Variants in TXNIP observed in about 807,000 individuals in gnomAD.
TXNIP encodes thioredoxin-interacting protein.
A neutral mutation model predicts 43.9 loss-of-function variants in TXNIP; 23 were observed. That is an observed-to-expected ratio of 0.52 (90% confidence interval 0.38 to 0.74). TXNIP has a LOEUF of 0.74. TXNIP is among the 30% of genes least tolerant of loss of function. The probability of loss-of-function intolerance (pLI) is 0.00; values close to 1 mark genes in which losing one functional copy is unlikely to be tolerated. For synonymous variants in TXNIP, 234 were observed against 172.2 expected, an observed-to-expected ratio of 1.36 and a Z score of -2.81; for missense variants, 555 against 485.4, an observed-to-expected ratio of 1.14 and a Z score of -1.35.
Position 145,994,164 on chromosome 1 carries a change from G to A in TXNIP, c.992C>T (p.Pro331Leu), listed in dbSNP as rs759303282. The part of the protein sequence containing the change: ...DLNIPDTPEA[P>L]PCYMDVIPED... ...AGGAATGACATCCATATAGCAGGGA[G>A]GAGCTAGAAAAGAAAATATGGCCAC... The change falls in exon 7 of 8, where the codon CCT (proline) becomes CTT (leucine). Residue 331 changes from proline to leucine, a missense_variant. Physicochemically the swap from Pro to Leu is moderately conservative, Grantham distance 98. Transcript: ENST00000582401. The A allele has an allele frequency of 6.2e-7, 1 of 1,613,920 alleles. No homozygotes were observed. The highest frequency in any genetic ancestry group is 8.5e-7 in the Non-Finnish European group (1 of 1,179,956).
rs182452581 is a variant in TXNIP, at chr1:145,996,577, T to C, written c.-311A>G. On this transcript the variant is annotated 5_prime_UTR_variant, in exon 1 of 8. Transcript: ENST00000582401. Reference sequence around the variant, plus strand: ...TCCTTTGGAGAAAAAGAGGGGTTAGTTTCAAGCAGGAGGCGGAAACGTCTC... The same window carrying C: ...TCCTTTGGAGAAAAAGAGGGGTTAGCTTCAAGCAGGAGGCGGAAACGTCTC... 250 of 257,078 alleles carry C rather than the reference T, an allele frequency of 9.7e-4. 1 individual carries two copies. The highest frequency in any genetic ancestry group is 4.8e-4 in the Non-Finnish European group (63 of 130,724). The allele number at this position is 257,078 out of a possible 1,614,324, so 15.9% of individuals were successfully genotyped here.
chr1:145,994,315 A>G lies in TXNIP; in HGVS notation c.954T>C (p.Ser318=). 1.2e-6 allele frequency: 2 copies of G among 1,614,114 alleles called. No individual in the cohort carries two copies. Among genetic ancestry groups the G allele is most frequent in the Non-Finnish European group, 1.7e-6 (2 of 1,180,020 alleles). ...TATCAGGGATGTTCAGATCTACCCA[A>G]CTCATCTCAGAGCTGGTTCGGCTGG... is the stretch of plus-strand genomic sequence containing the variant. ...SMASRTSSEM[S]WVDLNIPDTP... is the part of the protein sequence containing the mutation. Residue 318 remains serine (S), a synonymous_variant, in exon 6 of 8, where the codon AGT becomes AGC. Transcript: ENST00000582401.
intron 4 of TXNIP, 33 bp from the exon 5 acceptor site, chr1:145,994,833 C>T (rs782130964): frequency 1.2e-5 from 19 of 1,613,256 alleles, no homozygotes; most frequent in South Asian, 1.1e-5. Context: ...CTTACTGATA[C>T]TCAGTATAGT....
chr1:145,995,719 T>C (rs1430117893), intron 1 of TXNIP: 1 of 609,426 alleles, frequency 1.6e-6, no homozygotes, highest in East Asian at 2.7e-5. Flanking sequence ...TCTACTAACA[T>C]CTCAAATAGG....
rs368318004 is a variant in TXNIP, at chr1:145,994,215, G to A, written c.989-48C>T. 1.1e-5 allele frequency: 18 copies of A among 1,612,772 alleles called. No homozygotes were observed. In the African/African-American group the frequency reaches 1.7e-4, roughly 16 times the overall value. On this transcript the variant is annotated intron_variant, in intron 6 of 7. Transcript: ENST00000582401. ...ATAAGAATCCTGCCCAAGAAATGCT[G>A]GACCATCACAATTTTACAAACCCAG...
chr1:145,994,282 T>C lies in TXNIP; in HGVS notation c.987A>G (p.Glu329=). 1 of 1,613,984 alleles carries C rather than the reference T, an allele frequency of 6.2e-7. No homozygotes were observed. Among genetic ancestry groups the C allele is most frequent in the Non-Finnish European group, 8.5e-7 (1 of 1,179,926 alleles). ...GAAAAGACATTAGGTCTGGCTCACCTTCTGGGGTATCAGGGATGTTCAGAT... is the reference window on the plus strand; with the variant it reads ...GAAAAGACATTAGGTCTGGCTCACCCTCTGGGGTATCAGGGATGTTCAGAT... ...WVDLNIPDTP[E]APPCYMDVIP... Residue 329 remains glutamate (E), a splice_region_variant and synonymous_variant, in exon 6 of 8, where the codon GAA becomes GAG. Transcript: ENST00000582401.
In TXNIP at chr1:145,994,581, A is replaced by G. The variant is rs1651367356; in HGVS notation, c.794T>C (p.Leu265Pro). Residue 265 changes from leucine (L) to proline (P), a missense_variant, in exon 5 of 8, where the codon CTG becomes CCG. Coordinates refer to ENST00000582401, the MANE Select transcript of TXNIP (RefSeq NM_006472.6). ...LRVQKIRPSI[L>P]GCNILRVEYS... Reference sequence around the variant, plus strand: ...TTCAACTCGAAGGATGTTGCAGCCCAGGATAGAAGGCCTGATCTTCTGAAC... The same window carrying G: ...TTCAACTCGAAGGATGTTGCAGCCCGGGATAGAAGGCCTGATCTTCTGAAC... 2 of 1,614,212 alleles carry G rather than the reference A, an allele frequency of 1.2e-6. No individual in the cohort carries two copies. Among genetic ancestry groups the G allele is most frequent in the Non-Finnish European group, 1.7e-6 (2 of 1,180,028 alleles).
Position 145,993,237 on chromosome 1 carries a change from A to G in TXNIP, c.*614T>C, listed in dbSNP as rs1311718841. On this transcript the variant is annotated 3_prime_UTR_variant, in exon 8 of 8. Coordinates refer to ENST00000582401, the MANE Select transcript of TXNIP (RefSeq NM_006472.6). ...AGGTTAAAGTATACTCTAAGCAAAG[A>G]TGACCGTAGAGCAGCTAGCTTCCTT... 2.0e-5 allele frequency: 3 copies of G among 153,028 alleles called. No individual in the cohort carries two copies. The highest frequency in any genetic ancestry group is 4.4e-5 in the Non-Finnish European group (3 of 68,284). The allele number at this position is 153,028 out of a possible 1,614,324, so 9.5% of individuals were successfully genotyped here.
chr1:145,993,907 T>C, intron 7 of TXNIP, 21 bp from the exon 8 acceptor site: 1 of 1,614,182 alleles, frequency 6.2e-7, no homozygotes, highest in African/African-American at 1.3e-5. Context: ...AAACAGACTA[T>C]TTCAGTTCAG....
At chr1:145,995,782 G>A (rs1480752821) in intron 1 of TXNIP, 5 of 625,066 alleles carry the variant, frequency 8.0e-6, no homozygotes, top group Non-Finnish European at 1.4e-5. Flanking sequence ...AACTACCCGA[G>A]GCAACGCCCC....
intron 7 of TXNIP, 24 bp downstream of exon 7, chr1:145,993,992 A>G (rs782538108): frequency 6.2e-7 from 1 of 1,614,106 alleles, no homozygotes; most frequent in Non-Finnish European, 8.5e-7. Flanking sequence ...GGACAAATTT[A>G]ACAGTAAAGA....
At position 145,994,564 on chromosome 1, in the gene TXNIP, G is replaced by A; in HGVS notation, c.811C>T (p.Arg271Ter). ...RPSILGCNIL[R>*]VEYSLLIYVS... ...CCCACCAGTAAGGAATATTCAACTC[G>A]AAGGATGTTGCAGCCCAGGATAGAA... Residue 271 changes from arginine to a stop codon, truncating the protein, a stop_gained, in exon 5 of 8, where the codon CGA becomes TGA. Coordinates refer to ENST00000582401, the MANE Select transcript of TXNIP (RefSeq NM_006472.6). LOFTEE classifies it high-confidence loss of function. 3.7e-6 allele frequency: 6 copies of A among 1,614,178 alleles called. No homozygotes were observed. Among genetic ancestry groups the A allele is most frequent in the Non-Finnish European group, 5.1e-6 (6 of 1,180,044 alleles).
rs1553766301 is a variant in TXNIP at position 145,995,256 on chromosome 1, C to T, written c.359G>A (p.Cys120Tyr). Residue 120 changes from cysteine (C) to tyrosine (Y), a missense_variant, in exon 3 of 8, where the codon TGT becomes TAT. Transcript: ENST00000582401. ...LGTSFKGKYG[C>Y]VDYWVKAFLD... ...AAAAGCCTTCACCCAGTAGTCTACA[C>T]ACCCATATTTTCCTTTGAAGGATGT... 5 of 1,614,156 alleles carry T rather than the reference C, an allele frequency of 3.1e-6. No individual in the cohort carries two copies. The highest frequency in any genetic ancestry group is 2.2e-5 in the East Asian group (1 of 44,886).
rs782754070 is a variant in TXNIP at position 145,994,071 on chromosome 1, G to GATGACATGGAT, written c.1084_1085insATCCATGTCAT (p.Pro362HisfsTer73). 1 of 1,614,160 alleles carries GATGACATGGAT rather than the reference G, an allele frequency of 6.2e-7. No individual in the cohort carries two copies. The highest frequency in any genetic ancestry group is 1.1e-5 in the South Asian group (1 of 91,084). ...GAACTCAGGGGCATACATAAAGATA[G>GATGACATGGAT]GGCTGTCTTGAGAGCCATCCATGTC... On this transcript the variant is annotated frameshift_variant, in exon 7 of 8. Coordinates refer to ENST00000582401, the MANE Select transcript of TXNIP (RefSeq NM_006472.6). LOFTEE classifies it high-confidence loss of function.
At chr1:145,995,339 G>A (rs1553766321) in intron 2 of TXNIP, 48 bp from the exon 3 acceptor site, 14 of 1,610,136 alleles carry the variant, frequency 8.7e-6, no homozygotes, top group South Asian at 1.1e-5. Flanking sequence ...AGAACAGTAA[G>A]TGATCAAAGG....
At position 145,994,567 on chromosome 1, in the gene TXNIP, G is replaced by A. The variant is rs782132353; in HGVS notation, c.808C>T (p.Leu270Phe). 12 of 1,614,216 alleles carry A rather than the reference G, an allele frequency of 7.4e-6. No homozygotes were observed. The highest frequency in any genetic ancestry group is 1.1e-5 in the South Asian group (1 of 91,082). The stretch of plus-strand genomic sequence containing the variant: ...ACCAGTAAGGAATATTCAACTCGAA[G>A]GATGTTGCAGCCCAGGATAGAAGGC... ...IRPSILGCNI[L>F]RVEYSLLIYV... is the part of the protein sequence containing the mutation. Residue 270 changes from leucine (L) to phenylalanine (F), a missense_variant, in exon 5 of 8, where the codon CTT (leucine) becomes TTT (phenylalanine). Transcript: ENST00000582401.
chr1:145,995,345 A>G, intron 2 of TXNIP, 54 bp from the exon 3 acceptor site: 1 of 1,610,280 alleles, frequency 6.2e-7, no homozygotes, highest in Non-Finnish European at 8.5e-7. Flanking sequence ...GTAAGTGATC[A>G]AAGGAGGGCA....
Position 145,993,413 on chromosome 1 carries a change from C to T in TXNIP, c.*438G>A, listed in dbSNP as rs1651274107. On this transcript the variant is annotated 3_prime_UTR_variant, in exon 8 of 8. Transcript: ENST00000582401. ...TGGCCACAATTTCCCTTTTCATCTT[C>T]CTAGTTTGTTAAATTGGCTCTTCTC... is the stretch of plus-strand genomic sequence containing the variant. The T allele has an allele frequency of 6.4e-6, 1 of 156,934 alleles. No individual in the cohort carries two copies. The highest frequency in any genetic ancestry group is 6.2e-5 in the Admixed American group (1 of 16,140). 9.7% of individuals were successfully genotyped at this position (156,934 alleles called of 1,614,324 possible). A position where few individuals can be genotyped will look rare whatever the true frequency, so the allele number is the denominator to read the frequency against.
chr1:145,996,524 G>T lies in TXNIP; in HGVS notation c.-258C>A. ...AAAAGCCTTCTTTCCCCCAATTGCT[G>T]GAGAAAAGATCCGATCTCCACAAGC... On this transcript the variant is annotated 5_prime_UTR_variant, in exon 1 of 8. Transcript: ENST00000582401. 2.7e-6 allele frequency: 1 copy of T among 367,370 alleles called. No individual in the cohort carries two copies. The highest frequency in any genetic ancestry group is 5.0e-6 in the Non-Finnish European group (1 of 199,954). The allele number at this position is 367,370 out of a possible 1,614,324, so 22.8% of individuals were successfully genotyped here. A position where few individuals can be genotyped will look rare whatever the true frequency, so the allele number is the denominator to read the frequency against.
Sources: gnomAD v4.1 joint callset for allele counts on GRCh38, gnomAD v4.1.1 for gene constraint, MANE v1.5 for transcripts, NCBI Gene and HGNC (gene_info 2026-07-23, HGNC 2026-07-21) for gene names.